The following KCNIP4 variants were observed in gnomAD, a reference collection of about 807,000 sequenced individuals.
The protein encoded by KCNIP4 is Kv channel-interacting protein 4.
A neutral mutation model predicts 34.0 loss-of-function variants in KCNIP4; 12 were observed. That is an observed-to-expected ratio of 0.35 (90% CI 0.23 to 0.57). The LOEUF is 0.57. KCNIP4 is among the 20% of genes least tolerant of loss of function. The pLI, the probability that KCNIP4 is intolerant of heterozygous loss-of-function variation, is 0.83. For missense variants in KCNIP4, 238 were observed against 311.7 expected (o/e 0.76, Z 1.78); for synonymous variants, 124 against 102.2 (o/e 1.21, Z -1.29).
intron 1 of KCNIP4, among the ~76,000 whole-genome samples, chr4:21,376,147 GT>G (rs200946723): frequency 0.045 from 6,825 of 152,180 alleles, 259 homozygotes; most frequent in Admixed American, 0.09. Context: ...TATACAACTT[GT>G]TTTTTCTTCT....
intron 1 of KCNIP4, among the ~76,000 whole-genome samples, chr4:21,733,548 G>A (rs1257045964): frequency 1.3e-5 from 2 of 152,162 alleles, no homozygotes; most frequent in Non-Finnish European, 2.9e-5. Flanking sequence ...GAATTTTTAA[G>A]ACAATGCATG....
rs1333798908 is a variant in KCNIP4, at chr4:21,891,805, G to T, written c.61+56766C>A. ...TCTGAAATTCTACAATCAGAAAGTT[G>T]TCCCTTTAAATCAAAGCACTATCCT... On this transcript the variant is annotated intron_variant, in intron 1 of 8. Coordinates refer to ENST00000382152, the MANE Select transcript of KCNIP4 (RefSeq NM_025221.6). 2.0e-5 allele frequency among the ~76,000 whole-genome samples: 3 copies of T among 152,064 alleles called. No homozygotes were observed. The East Asian group carries it at 5.8e-4, about 29-fold the overall frequency.
intron 1 of KCNIP4, among the ~76,000 whole-genome samples, chr4:20,890,303 G>C (rs192832335): frequency 6.6e-6 from 1 of 152,122 alleles, no homozygotes; most frequent in Non-Finnish European, 1.5e-5. Flanking sequence ...ATATGAAGGA[G>C]GGATGGGGCC....
intron 1 of KCNIP4, among the ~76,000 whole-genome samples, chr4:21,415,441 G>A (rs1220219693): frequency 6.6e-6 from 1 of 151,808 alleles, no homozygotes; most frequent in Admixed American, 6.6e-5. Flanking sequence ...AAAAGGTAAG[G>A]GACACATTAG....
At chr4:21,796,892 A>T (rs535539745) in intron 1 of KCNIP4, among the ~76,000 whole-genome samples, 1 of 152,308 alleles carries the variant, frequency 6.6e-6, no homozygotes, top group South Asian at 2.1e-4. Flanking sequence ...TTTACAGTAA[A>T]ATGATTGTTT....
chr4:21,931,275 T>A (rs999193844), intron 1 of KCNIP4, among the ~76,000 whole-genome samples: 1 of 152,102 alleles, frequency 6.6e-6, no homozygotes, highest in Non-Finnish European at 1.5e-5. Context: ...TCTTTGTTTT[T>A]TTTAAATTAT....
Position 21,866,914 on chromosome 4 carries a change from G to C in KCNIP4, c.61+81657C>G, listed in dbSNP as rs184432600. ...AGCCTCCCCAGTAGCTGGGACTACA[G>C]GTGCCCGCCACCATGCTCAGCTAAT... is the stretch of plus-strand genomic sequence containing the variant. On this transcript the variant is annotated intron_variant, in intron 1 of 8. Coordinates refer to ENST00000382152, the MANE Select transcript of KCNIP4 (RefSeq NM_025221.6). Among the ~76,000 whole-genome samples the C allele has an allele frequency of 2.2e-3, 339 of 151,994 alleles. 1 individual carries two copies. Among genetic ancestry groups the C allele is most frequent in the African/African-American group, 7.8e-3 (324 of 41,436 alleles).
intron 1 of KCNIP4, among the ~76,000 whole-genome samples, chr4:21,934,516 A>G (rs1020660235): frequency 1.3e-5 from 2 of 152,158 alleles, no homozygotes; most frequent in African/African-American, 4.8e-5. Context: ...TATCCAGACT[A>G]TATAAGATCT....
intron 1 of KCNIP4, among the ~76,000 whole-genome samples, chr4:21,049,596 T>G (rs1742755593): frequency 6.6e-6 from 1 of 152,212 alleles, no homozygotes; most frequent in African/African-American, 2.4e-5. Flanking sequence ...TCTGGTCAAA[T>G]TTTGAAGACT....
At chr4:21,675,088 C>T (rs115889004) in intron 1 of KCNIP4, among the ~76,000 whole-genome samples, 3,295 of 152,170 alleles carry the variant, frequency 0.022, 115 homozygotes, top group African/African-American at 0.07. Context: ...ATGTGGTACA[C>T]ATACACAGTG....
At chr4:21,932,156 T>C (rs1729607730) in intron 1 of KCNIP4, among the ~76,000 whole-genome samples, 2 of 152,138 alleles carry the variant, frequency 1.3e-5, no homozygotes, top group African/African-American at 2.4e-5. Context: ...CTTTTTTAAA[T>C]AGGCACTAGT....
In KCNIP4 at chr4:21,274,518, C is replaced by T. The variant is rs569501378; in HGVS notation, c.62-391809G>A. ...CACTCCCAACTTAAATGTAGAAGGT[C>T]ATATATCTAAAAGGTTACATTACTA... On this transcript the variant is annotated intron_variant, in intron 1 of 8. Transcript: ENST00000382152. Among the ~76,000 whole-genome samples the T allele has an allele frequency of 3.9e-5, 6 of 152,252 alleles. No homozygotes were observed. The South Asian group carries it at 1.2e-3, about 32-fold the overall frequency.
chr4:20,990,595 T>A (rs1737003854), intron 1 of KCNIP4, among the ~76,000 whole-genome samples: 1 of 152,252 alleles, frequency 6.6e-6, no homozygotes. Flanking sequence ...ATGTATAGTA[T>A]GTAATCTTCA....
rs555585102 is a variant in KCNIP4, at chr4:21,396,549, C to CAAAAAAAAAAAAAAAA, written c.62-513856_62-513841dup. On this transcript the variant is annotated intron_variant, in intron 1 of 8. Coordinates refer to ENST00000382152, the MANE Select transcript of KCNIP4 (RefSeq NM_025221.6). ...CCAGCCTGGTGACAGAGCAAGACTC[C>CAAAAAAAAAAAAAAAA]AAAAAAAAAAAAAAAAAAAGAGGAT... is the stretch of plus-strand genomic sequence containing the variant. 4.5e-4 allele frequency among the ~76,000 whole-genome samples: 24 copies of CAAAAAAAAAAAAAAAA among 52,790 alleles called. 3 individuals are homozygous for CAAAAAAAAAAAAAAAA. Among genetic ancestry groups the CAAAAAAAAAAAAAAAA allele is most frequent in the African/African-American group, 6.8e-4 (12 of 17,634 alleles). The allele number at this position is 52,790 out of a possible 152,430, so 34.6% of individuals were successfully genotyped here.
At chr4:21,821,630 G>A (rs892233939) in intron 1 of KCNIP4, among the ~76,000 whole-genome samples, 1 of 152,110 alleles carries the variant, frequency 6.6e-6, no homozygotes, top group African/African-American at 2.4e-5. Context: ...TCATTGCAGA[G>A]TGGAATATGC....
chr4:21,437,426 G>C lies in KCNIP4; in HGVS notation c.61+511145C>G, dbSNP rs58134719. ...TATCTCTAGGAATTTCAAAAAGCAA[G>C]ACTAATGGAGCCTTGAACTCGCCAT... On this transcript the variant is annotated intron_variant, in intron 1 of 8. Transcript: ENST00000382152. Among the ~76,000 whole-genome samples the C allele has an allele frequency of 0.014, 2,099 of 152,208 alleles. 71 individuals are homozygous for C. In the East Asian group the frequency reaches 0.15, roughly 11 times the overall value.
At chr4:21,716,963 A>C (rs1280017712) in intron 1 of KCNIP4, among the ~76,000 whole-genome samples, 1 of 152,164 alleles carries the variant, frequency 6.6e-6, no homozygotes, top group Non-Finnish European at 1.5e-5. Flanking sequence ...TGTGCCCACT[A>C]TCCTTCCAAA....
chr4:21,153,726 GA>G (rs1560769402), intron 1 of KCNIP4, among the ~76,000 whole-genome samples: 2 of 152,016 alleles, frequency 1.3e-5, no homozygotes, highest in African/African-American at 4.8e-5. Context: ...GATTCAAAAA[GA>G]GCTTAGAAAC....
chr4:21,313,057 C>A (rs1191911870), intron 1 of KCNIP4, among the ~76,000 whole-genome samples: 1 of 152,182 alleles, frequency 6.6e-6, no homozygotes, highest in Non-Finnish European at 1.5e-5. Context: ...TCCCATTACT[C>A]CCTGGGTCTA....
Sources: gnomAD v4.1 joint callset for allele counts (sites outside exome capture counted in the v4.1 genomes callset) on GRCh38, gnomAD v4.1.1 for gene constraint, MANE v1.5 for transcripts, NCBI Gene and HGNC (gene_info 2026-07-23, HGNC 2026-07-21) for gene names.